GALNT12: variants seen among roughly 807,000 people sequenced by gnomAD.
The protein encoded by GALNT12 is UDP-GalNAc:polypeptide N-acetylgalactosaminyltransferase 12.
GALNT12 carries 45 observed loss-of-function variants against 55.5 expected under a neutral mutation model. The observed-to-expected ratio is 0.81, with a 90% CI of 0.64 to 1.04. The LOEUF (loss-of-function observed/expected upper bound fraction) is 1.04, where lower values mean the gene tolerates loss of function less well. Ranked by LOEUF, GALNT12 falls within the 50% of genes least tolerant of loss-of-function variation. GALNT12 has a pLI of 0.00. For missense variants in GALNT12, 709 were observed against 754.8 expected (o/e 0.94, Z 0.71); for synonymous variants, 304 against 312.2 (o/e 0.97, Z 0.28).
chr9:98,827,037 G>C, intron 3 of GALNT12, 96 bp downstream of exon 3: 2 of 1,331,942 alleles, frequency 1.5e-6, no homozygotes, highest in Non-Finnish European at 2.1e-6. Flanking sequence ...TTAACGGGTT[G>C]CCTGGGCTCA....
chr9:98,817,564 A>G (rs1006051880), intron 1 of GALNT12, among the ~76,000 whole-genome samples: 3 of 151,944 alleles, frequency 2.0e-5, no homozygotes, highest in African/African-American at 7.3e-5. Flanking sequence ...CCCAGGTTCA[A>G]GTGATTCTCC....
In GALNT12 at chr9:98,848,970, G is replaced by C. The variant is rs376894835; in HGVS notation, c.1624G>C (p.Glu542Gln). 1.9e-6 allele frequency: 3 copies of C among 1,613,952 alleles called. No individual in the cohort carries two copies. Among genetic ancestry groups the C allele is most frequent in the Non-Finnish European group, 2.5e-6 (3 of 1,180,020 alleles). ...TTTGTAGGATGGATCTTTATTTCAC[G>C]AACAGTCCAAGAAATGTGTCCAGGC... ...ILQEDGSLFH[E>Q]QSKKCVQAAR... The change falls in exon 10 of 10, where the codon GAA becomes CAA. Residue 542 changes from glutamate to glutamine, a missense_variant. Glu to Gln is a conservative substitution (Grantham distance 29). Coordinates refer to ENST00000375011, the MANE Select transcript of GALNT12 (RefSeq NM_024642.5).
chr9:98,820,535 T>G (rs1401632487), intron 1 of GALNT12, among the ~76,000 whole-genome samples: 1 of 152,252 alleles, frequency 6.6e-6, no homozygotes, highest in Non-Finnish European at 1.5e-5. Flanking sequence ...TCTTTGCTAT[T>G]GTGAATAGTA....
intron 1 of GALNT12, among the ~76,000 whole-genome samples, chr9:98,813,931 T>C (rs1178184359): frequency 6.6e-6 from 1 of 152,240 alleles, no homozygotes; most frequent in African/African-American, 2.4e-5. Context: ...AAAATAATTA[T>C]TTTCTACACT....
chr9:98,842,846 A>G (rs766050121), intron 7 of GALNT12, among the ~76,000 whole-genome samples: 21 of 152,356 alleles, frequency 1.4e-4, no homozygotes, highest in South Asian at 2.1e-4. Flanking sequence ...TTAACTCAGT[A>G]TATCCCAAAT....
chr9:98,821,357 C>T (rs1447769888), intron 1 of GALNT12, among the ~76,000 whole-genome samples: 1 of 152,078 alleles, frequency 6.6e-6, no homozygotes, highest in African/African-American at 2.4e-5. Context: ...CGCGGTGGCT[C>T]ACACCTGTAA....
chr9:98,848,980 A>C lies in GALNT12; in HGVS notation c.1634A>C (p.Lys545Thr), dbSNP rs2118522546. Residue 545 changes from lysine to threonine, a missense_variant, in exon 10 of 10, where the codon AAG (lysine) becomes ACG (threonine). Lys to Thr is a moderately conservative substitution (Grantham distance 78). Around this residue, in one of 5 missense-constraint regions of GALNT12, gnomAD observed 262 missense variants for 310.7 expected, o/e 0.84. Coordinates refer to ENST00000375011, the MANE Select transcript of GALNT12 (RefSeq NM_024642.5). ...GGATCTTTATTTCACGAACAGTCCAAGAAATGTGTCCAGGCTGCGAGGAAG... is the reference window on the plus strand; with the variant it reads ...GGATCTTTATTTCACGAACAGTCCACGAAATGTGTCCAGGCTGCGAGGAAG... Reference protein sequence around the residue: ...EDGSLFHEQSKKCVQAARKES... With the variant: ...EDGSLFHEQSTKCVQAARKES... 6.2e-7 allele frequency: 1 copy of C among 1,614,246 alleles called. No homozygotes were observed. Among genetic ancestry groups the C allele is most frequent in the Non-Finnish European group, 8.5e-7 (1 of 1,180,024 alleles).
At position 98,820,007 on chromosome 9, in the gene GALNT12, T is replaced by C. The variant is rs560165203; in HGVS notation, c.372-3249T>C. Among the ~76,000 whole-genome samples, 22 of 152,354 alleles carry C rather than the reference T, an allele frequency of 1.4e-4. No individual in the cohort carries two copies. The East Asian group carries it at 3.1e-3, about 21-fold the overall frequency. On this transcript the variant is annotated intron_variant, in intron 1 of 9. Coordinates refer to ENST00000375011, the MANE Select transcript of GALNT12 (RefSeq NM_024642.5). ...TCATCAATTCAGAGGCACATTTTTT[T>C]CCCACATTTCAACATTTCTAAAATT...
chr9:98,819,925 G>C (rs915017633), intron 1 of GALNT12, among the ~76,000 whole-genome samples: 3 of 152,134 alleles, frequency 2.0e-5, no homozygotes, highest in Non-Finnish European at 4.4e-5. Flanking sequence ...CTTTAACGTG[G>C]GAGCAATAAA....
At chr9:98,832,915 A>G (rs889846721) in intron 4 of GALNT12, among the ~76,000 whole-genome samples, 7 of 152,182 alleles carry the variant, frequency 4.6e-5, no homozygotes, top group Non-Finnish European at 7.4e-5. Flanking sequence ...TAATGCTGCT[A>G]TGAACATCGG....
intron 5 of GALNT12, among the ~76,000 whole-genome samples, chr9:98,836,160 C>G (rs1447604172): frequency 6.6e-6 from 1 of 152,174 alleles, no homozygotes; most frequent in Non-Finnish European, 1.5e-5. Flanking sequence ...AACAAGCCTT[C>G]CTACTGATGC....
At position 98,807,926 on chromosome 9, in the gene GALNT12, C is replaced by A. The variant is rs752385211; in HGVS notation, c.228C>A (p.Gly76=). ...CGCCGGTGCCGGCGAACGCGCTGGG[C>A]GCGCGGGGCGAGGCGGTGCGGCTGC... The part of the protein sequence containing the change: ...PRPPVPANAL[G]ARGEAVRLQL... The change falls in exon 1 of 10, where the codon GGC becomes GGA. Residue 76 remains glycine (G), a synonymous_variant. Coordinates refer to ENST00000375011, the MANE Select transcript of GALNT12 (RefSeq NM_024642.5). 3 of 1,248,266 alleles carry A rather than the reference C, an allele frequency of 2.4e-6. No individual in the cohort carries two copies. Among genetic ancestry groups the A allele is most frequent in the South Asian group, 6.5e-5 (2 of 31,002 alleles). The allele number at this position is 1,248,266 out of a possible 1,614,324, so 77.3% of individuals were successfully genotyped here.
intron 3 of GALNT12, among the ~76,000 whole-genome samples, chr9:98,829,017 A>G (rs1013979685): frequency 1.3e-5 from 2 of 151,904 alleles, no homozygotes; most frequent in Admixed American, 6.6e-5. Flanking sequence ...TTTAGTAGGG[A>G]CAGAGTTTCA....
Position 98,826,763 on chromosome 9 carries a change from G to T in GALNT12, c.553G>T (p.Glu185Ter). ...DDYSDREHLK[E>*]RLANELSGLP... ...GTTTGCCTCCCTAGAGCACCTGAAG[G>T]AGCGCTTGGCCAATGAGCTTTCGGG... The change falls in exon 3 of 10, where the codon GAG (glutamate) becomes TAG (stop). Residue 185 changes from glutamate (E) to a stop codon, truncating the protein, a stop_gained. Transcript: ENST00000375011. LOFTEE classifies it high-confidence loss of function. The T allele has an allele frequency of 3.1e-6, 5 of 1,611,380 alleles. No individual in the cohort carries two copies. Among genetic ancestry groups the T allele is most frequent in the Non-Finnish European group, 4.2e-6 (5 of 1,179,770 alleles).
chr9:98,848,082 T>C (rs1477721896), intron 9 of GALNT12, among the ~76,000 whole-genome samples: 1 of 152,238 alleles, frequency 6.6e-6, no homozygotes, highest in Non-Finnish European at 1.5e-5. Flanking sequence ...CTCAAAGTGC[T>C]GCGATTACAG....
intron 2 of GALNT12, among the ~76,000 whole-genome samples, chr9:98,824,536 G>A (rs1835817642): frequency 6.6e-6 from 1 of 152,206 alleles, no homozygotes; most frequent in South Asian, 2.1e-4. Context: ...CTGGCTGTGT[G>A]TTCAGTTACA....
intron 4 of GALNT12, 53 bp downstream of exon 4, chr9:98,832,010 T>A: frequency 6.6e-7 from 1 of 1,507,872 alleles, no homozygotes; most frequent in Non-Finnish European, 9.1e-7. Context: ...TCATTGAATC[T>A]GGCTGACCTG....
chr9:98,827,286 G>A (rs147846405), intron 3 of GALNT12, among the ~76,000 whole-genome samples: 1,853 of 151,992 alleles, frequency 0.012, 13 homozygotes, highest in Non-Finnish European at 0.02. Context: ...CTGCCTCCCG[G>A]GATCAAGCGA....
chr9:98,843,536 A>T (rs1280102779), intron 7 of GALNT12, among the ~76,000 whole-genome samples: 1 of 151,838 alleles, frequency 6.6e-6, no homozygotes, highest in South Asian at 2.1e-4. Flanking sequence ...TCTCCCAAGT[A>T]GCTGGTACTA....
Sources: gnomAD v4.1 joint callset for allele counts (sites outside exome capture counted in the v4.1 genomes callset) on GRCh38, gnomAD v4.1.1 for gene constraint, gnomAD v4.1.1 regional missense constraint, MANE v1.5 for transcripts, NCBI Gene and HGNC (gene_info 2026-07-23, HGNC 2026-07-21) for gene names.